Variants in HERC1 observed in about 807,000 individuals in gnomAD.
The protein encoded by HERC1 is HECT and RLD domain containing E3 ubiquitin protein ligase family member 1, also known as probable E3 ubiquitin-protein ligase HERC1.
Under a neutral mutation model 554.3 loss-of-function variants are expected in HERC1, and 160 were observed. The observed-to-expected ratio is 0.29, with a 90% CI of 0.25 to 0.33. The LOEUF (loss-of-function observed/expected upper bound fraction) is 0.33. Ranked by LOEUF, HERC1 falls within the 10% of genes least tolerant of loss-of-function variation. HERC1 has a pLI of 1.00. For synonymous variants in HERC1, 2,175 were observed against 2,131.7 expected (o/e 1.02, Z -0.56); for missense variants, 4,919 against 5,918.5 (o/e 0.83, Z 5.54).
At chr15:63,810,715 G>A (rs1352629497) in intron 1 of HERC1, among the ~76,000 whole-genome samples, 6 of 152,014 alleles carry the variant, frequency 3.9e-5, no homozygotes, top group Admixed American at 6.6e-5. Flanking sequence ...CAACTTTCAC[G>A]TGATCTCAAA....
chr15:63,699,097 A>G, intron 25 of HERC1, 101 bp from the exon 26 acceptor site: 2 of 1,024,770 alleles, frequency 2.0e-6, no homozygotes, highest in Non-Finnish European at 2.9e-6. Context: ...CAACTGGTGA[A>G]AAATGGATAC....
chr15:63,665,463 C>T (rs887109723), intron 42 of HERC1, among the ~76,000 whole-genome samples: 11 of 152,142 alleles, frequency 7.2e-5, no homozygotes, highest in African/African-American at 2.2e-4. Context: ...ACCGGGGAGG[C>T]GGAGGTTGCT....
At chr15:63,648,500 T>C (rs566439563) in intron 54 of HERC1, among the ~76,000 whole-genome samples, 2 of 152,242 alleles carry the variant, frequency 1.3e-5, no homozygotes, top group Non-Finnish European at 2.9e-5. Flanking sequence ...TAAGTCACCA[T>C]AGGTTCTTTC....
At chr15:63,796,417 C>T (rs2076814581) in intron 1 of HERC1, among the ~76,000 whole-genome samples, 1 of 152,178 alleles carries the variant, frequency 6.6e-6, no homozygotes, top group African/African-American at 2.4e-5. Context: ...ACCATCTTTG[C>T]AAAATTATGA....
rs1411204144 is a variant in HERC1, at chr15:63,680,367, T to C, written c.6465+170A>G. 2.0e-5 allele frequency among the ~76,000 whole-genome samples: 3 copies of C among 152,148 alleles called. No individual in the cohort carries two copies. The highest frequency in any genetic ancestry group is 4.4e-5 in the Non-Finnish European group (3 of 68,028). On this transcript the variant is annotated intron_variant, in intron 35 of 77. Coordinates refer to ENST00000443617, the MANE Select transcript of HERC1 (RefSeq NM_003922.4). The surrounding 1 kb of genome is among the most constrained non-coding windows in gnomAD (Gnocchi z 5.8). The stretch of plus-strand genomic sequence containing the variant: ...TCTGTTTCAAAAATCTTATTGGGGT[T>C]TTACTATCTTCCTGTTTGTTGTTAA...
intron 25 of HERC1, among the ~76,000 whole-genome samples, chr15:63,701,098 T>C (rs1464085681): frequency 1.3e-5 from 2 of 151,954 alleles, no homozygotes; most frequent in African/African-American, 2.4e-5. Flanking sequence ...TATAAATTAC[T>C]TTTCAAAATG....
chr15:63,673,443 G>A (rs1484346579), intron 38 of HERC1, among the ~76,000 whole-genome samples: 5 of 152,100 alleles, frequency 3.3e-5, no homozygotes, highest in African/African-American at 4.8e-5. Context: ...GAAGAAAGAA[G>A]GGAAAGAAGG....
intron 25 of HERC1, among the ~76,000 whole-genome samples, chr15:63,704,520 C>T (rs974892169): frequency 1.3e-5 from 2 of 152,068 alleles, no homozygotes; most frequent in African/African-American, 2.4e-5. Context: ...TTCTCTCTAG[C>T]GCCAAATGAT....
At position 63,677,966 on chromosome 15, in the gene HERC1, G is replaced by C; in HGVS notation, c.6949C>G (p.Leu2317Val). The C allele has an allele frequency of 1.2e-6, 2 of 1,613,926 alleles. No individual in the cohort carries two copies. Among genetic ancestry groups the C allele is most frequent in the Non-Finnish European group, 1.7e-6 (2 of 1,179,872 alleles). Residue 2317 changes from leucine (L) to valine (V), a missense_variant, in exon 37 of 78, where the codon CTT becomes GTT. By Grantham distance (32) the Leu-to-Val change is conservative. This residue lies in a region of HERC1 where 1,963 missense variants were observed against 2,228.6 expected (regional missense o/e 0.88). Coordinates refer to ENST00000443617, the MANE Select transcript of HERC1 (RefSeq NM_003922.4). The surrounding 1 kb of genome is among the most constrained non-coding windows in gnomAD (Gnocchi z 4.4). ...LAVIGGVDAG[L>V]RVGGRCVHKQ... ...TGAACACACCGACCTCCAACTCTAA[G>C]ACCAGCATCAACTCCTCCTATCACA...
chr15:63,725,877 T>G (rs1381576503), intron 17 of HERC1, among the ~76,000 whole-genome samples: 3 of 152,152 alleles, frequency 2.0e-5, no homozygotes, highest in Admixed American at 2.0e-4. Context: ...ACACACAAAT[T>G]TATCCATTAA....
rs768307641 is a variant in HERC1, at chr15:63,686,474, G to A, written c.6110C>T (p.Pro2037Leu). ...CACTAGGCAACACTGAGCTTTCTCC[G>A]GGTCAAAGGATACTTCTTGGATAGG... ...NLPIQEVSFDPEKAQCCLVEN... is the reference protein window; with the variant it reads ...NLPIQEVSFDLEKAQCCLVEN... The change falls in exon 34 of 78, where the codon CCG (proline) becomes CTG (leucine). Residue 2037 changes from proline to leucine, a missense_variant. By Grantham distance (98) the Pro-to-Leu change is moderately conservative. This residue lies in a region of HERC1 where 1,121 missense variants were observed against 1,244.0 expected (regional missense o/e 0.90). Transcript: ENST00000443617. 2.6e-4 allele frequency: 418 copies of A among 1,613,630 alleles called. No individual in the cohort carries two copies. Among genetic ancestry groups the A allele is most frequent in the Non-Finnish European group, 3.3e-4 (385 of 1,179,758 alleles).
intron 69 of HERC1, among the ~76,000 whole-genome samples, chr15:63,629,056 T>C (rs1023849796): frequency 1.3e-5 from 2 of 151,788 alleles, no homozygotes; most frequent in African/African-American, 4.8e-5. Flanking sequence ...GTTCAAGCAA[T>C]TTTCTGCCTC....
chr15:63,827,901 A>G (rs1350044101), intron 1 of HERC1, among the ~76,000 whole-genome samples: 1 of 152,212 alleles, frequency 6.6e-6, no homozygotes, highest in Non-Finnish European at 1.5e-5. Context: ...GCCACATATT[A>G]TATGATCCAT....
At chr15:63,812,780 A>T (rs2077371205) in intron 1 of HERC1, among the ~76,000 whole-genome samples, 1 of 152,188 alleles carries the variant, frequency 6.6e-6, no homozygotes, top group Non-Finnish European at 1.5e-5. Flanking sequence ...TAAAGAAAAA[A>T]TAAAAATAAT....
chr15:63,740,596 C>G (rs999724639), intron 12 of HERC1, among the ~76,000 whole-genome samples: 3 of 152,130 alleles, frequency 2.0e-5, no homozygotes, highest in Non-Finnish European at 2.9e-5. Flanking sequence ...TATTAGCCAG[C>G]CTTTTTGATT....
At chr15:63,716,708 T>C (rs1184304287) in intron 21 of HERC1, among the ~76,000 whole-genome samples, 5 of 152,180 alleles carry the variant, frequency 3.3e-5, no homozygotes, top group Middle Eastern at 3.2e-3. Context: ...GATTAAAATA[T>C]CATGCTGTAA....
Position 63,665,938 on chromosome 15 carries a change from C to G in HERC1, c.8536G>C (p.Glu2846Gln). Residue 2846 changes from glutamate to glutamine, a missense_variant, in exon 42 of 78, where the codon GAG (glutamate) becomes CAG (glutamine). Glu to Gln is a conservative substitution (Grantham distance 29). This residue lies in a region of HERC1 where 1,963 missense variants were observed against 2,228.6 expected (regional missense o/e 0.88). Transcript: ENST00000443617. Reference protein sequence around the residue: ...DIPSADAAEMEEGFSESPDNL... With the variant: ...DIPSADAAEMQEGFSESPDNL... Reference sequence around the variant, plus strand: ...TTTCACCTTTCACTAAAACCTTCCTCCATTTCAGCAGCATCAGCTGATGGT... The same window carrying G: ...TTTCACCTTTCACTAAAACCTTCCTGCATTTCAGCAGCATCAGCTGATGGT... The G allele has an allele frequency of 6.2e-7, 1 of 1,612,986 alleles. No homozygotes were observed. Among genetic ancestry groups the G allele is most frequent in the Non-Finnish European group, 8.5e-7 (1 of 1,179,202 alleles).
rs568708771 is a variant in HERC1, at chr15:63,631,732, C to T, written c.12796+977G>A. Among the ~76,000 whole-genome samples the T allele has an allele frequency of 1.1e-3, 163 of 152,176 alleles. 1 individual carries two copies. Among genetic ancestry groups the T allele is most frequent in the African/African-American group, 3.6e-3 (148 of 41,532 alleles). ...ATTTTTGTCTGTTTAGTAGAGACGG[C>T]GTTTCGCCATGTTGGCCAGGCTGGT... On this transcript the variant is annotated intron_variant, in intron 68 of 77. Transcript: ENST00000443617.
At position 63,672,507 on chromosome 15, in the gene HERC1, A is replaced by G. The variant is rs991372138; in HGVS notation, c.8034T>C (p.Leu2678=). The G allele has an allele frequency of 9.4e-6, 15 of 1,594,066 alleles. No homozygotes were observed. The highest frequency in any genetic ancestry group is 8.8e-5 in the Admixed American group (5 of 56,632). The part of the protein sequence containing the change: ...PASESPGVMP[L]SLLRQMFSSY... ...GTCAACTTCTCTACCTGAGAAGACT[A>G]AGAGGCATCACTCCCGGGGACTCGG... Residue 2678 remains leucine, a synonymous_variant, in exon 39 of 78, where the codon CTT becomes CTC. Transcript: ENST00000443617.
Sources: gnomAD v4.1 joint callset for allele counts (sites outside exome capture counted in the v4.1 genomes callset) on GRCh38, gnomAD v4.1.1 for gene constraint, gnomAD v4.1.1 regional missense constraint, Gnocchi (gnomAD v3.1) non-coding constraint, MANE v1.5 for transcripts, NCBI Gene and HGNC (gene_info 2026-07-23, HGNC 2026-07-21) for gene names.